THSD4: variants seen among roughly 807,000 people sequenced by gnomAD.
The protein encoded by THSD4 is thrombospondin type-1 domain-containing protein 4.
A neutral mutation model predicts 119.0 loss-of-function variants in THSD4; 69 were observed. The observed-to-expected ratio is 0.58, with a 90% CI of 0.48 to 0.71. THSD4 has a LOEUF of 0.71. Ranked by LOEUF, THSD4 falls within the 30% of genes least tolerant of loss-of-function variation. The pLI, the probability that THSD4 is intolerant of heterozygous loss-of-function variation, is 0.00. For missense variants in THSD4, 1,393 were observed against 1,391.1 expected (o/e 1.00, Z -0.02); for synonymous variants, 524 against 540.4 (o/e 0.97, Z 0.42).
chr15:71,595,817 T>C (rs557888499), intron 7 of THSD4, among the ~76,000 whole-genome samples: 1 of 152,358 alleles, frequency 6.6e-6, no homozygotes, highest in East Asian at 1.9e-4. Flanking sequence ...ATACCCATTC[T>C]ACAGATGAGG....
chr15:71,708,971 C>T (rs1301372364), intron 8 of THSD4, among the ~76,000 whole-genome samples: 1 of 152,212 alleles, frequency 6.6e-6, no homozygotes, highest in Non-Finnish European at 1.5e-5. Context: ...CCGAGGTTTC[C>T]CTGCTGTGAG....
chr15:71,272,036 G>A, intron 6 of THSD4, among the ~76,000 whole-genome samples: 1 of 152,164 alleles, frequency 6.6e-6, no homozygotes, highest in African/African-American at 2.4e-5. Flanking sequence ...CAAATCATAC[G>A]TCAGATCAGG....
At chr15:71,382,394 C>T (rs958709484) in intron 6 of THSD4, among the ~76,000 whole-genome samples, 4 of 152,168 alleles carry the variant, frequency 2.6e-5, no homozygotes, top group African/African-American at 7.2e-5. Flanking sequence ...GCTATTAGCA[C>T]TCAATTTTAG....
At chr15:71,466,377 G>A (rs1483501839) in intron 7 of THSD4, among the ~76,000 whole-genome samples, 2 of 151,214 alleles carry the variant, frequency 1.3e-5, no homozygotes, top group East Asian at 3.9e-4. Context: ...GAGGCCCCAG[G>A]AGAAGCTGTA....
At chr15:71,630,463 T>C (rs2050604578) in intron 7 of THSD4, among the ~76,000 whole-genome samples, 1 of 152,250 alleles carries the variant, frequency 6.6e-6, no homozygotes, top group Admixed American at 6.5e-5. Flanking sequence ...TGTCATGCTT[T>C]CCTCAAAAAC....
At chr15:71,553,277 C>A (rs2048960171) in intron 7 of THSD4, among the ~76,000 whole-genome samples, 1 of 151,542 alleles carries the variant, frequency 6.6e-6, no homozygotes, top group African/African-American at 2.4e-5. Context: ...TTCCAGAATA[C>A]AGTACTGAAT....
intron 7 of THSD4, among the ~76,000 whole-genome samples, chr15:71,501,344 T>C (rs1008394082): frequency 1.3e-5 from 2 of 152,232 alleles, no homozygotes; most frequent in South Asian, 4.1e-4. Flanking sequence ...AAGAAAGAAA[T>C]TGAGACTCAC....
chr15:71,530,688 T>G (rs1247495911), intron 7 of THSD4, among the ~76,000 whole-genome samples: 2 of 152,100 alleles, frequency 1.3e-5, no homozygotes, highest in East Asian at 3.9e-4. Flanking sequence ...TTTGCCTTGA[T>G]TAAGGAATCT....
Position 71,242,824 on chromosome 15 carries a change from C to G in THSD4, c.640C>G (p.Pro214Ala). Residue 214 changes from proline to alanine, a missense_variant, in exon 5 of 18, where the codon CCA becomes GCA. Transcript: ENST00000261862. ...TTCTGCTAGGCATGGCTACAGTTCA[C>G]CAGCCCACCAGGTCCCCCAACATGG... The part of the protein sequence containing the change: ...ASSARHGYSS[P>A]AHQVPQHGPL... The G allele has an allele frequency of 6.2e-7, 1 of 1,614,210 alleles. No homozygotes were observed.
intron 8 of THSD4, among the ~76,000 whole-genome samples, chr15:71,699,698 T>C (rs898911261): frequency 2.0e-5 from 3 of 152,194 alleles, no homozygotes; most frequent in Non-Finnish European, 4.4e-5. Context: ...CTGTTCTTGA[T>C]GGAATGGGTT....
intron 6 of THSD4, among the ~76,000 whole-genome samples, chr15:71,375,769 A>G (rs1413926794): frequency 3.9e-5 from 6 of 152,188 alleles, no homozygotes; most frequent in Non-Finnish European, 5.9e-5. Flanking sequence ...GGAACTTGTT[A>G]GGAATGCAAA....
intron 8 of THSD4, among the ~76,000 whole-genome samples, chr15:71,727,952 G>T (rs750444481): frequency 3.2e-4 from 48 of 152,204 alleles, no homozygotes; most frequent in Non-Finnish European, 5.7e-4. Flanking sequence ...AGCATATAGG[G>T]TCCATCTGAG....
intron 7 of THSD4, among the ~76,000 whole-genome samples, chr15:71,582,127 A>G (rs1000612046): frequency 3.3e-5 from 5 of 152,122 alleles, no homozygotes; most frequent in Non-Finnish European, 1.5e-5. Context: ...CTTCCAATCC[A>G]TGAATGTAGA....
intron 3 of THSD4, among the ~76,000 whole-genome samples, chr15:71,194,692 A>G (rs1033688616): frequency 7.2e-5 from 11 of 152,154 alleles, no homozygotes; most frequent in Admixed American, 3.9e-4. Context: ...CCCCTGGTTC[A>G]TGATATCCCT....
chr15:71,682,814 G>A (rs1282543866), intron 8 of THSD4, among the ~76,000 whole-genome samples: 1 of 147,966 alleles, frequency 6.8e-6, no homozygotes, highest in Non-Finnish European at 1.5e-5. Flanking sequence ...GCTTTAAAAT[G>A]TGATTTAGTA....
At chr15:71,540,078 T>C (rs1194787418) in intron 7 of THSD4, among the ~76,000 whole-genome samples, 1 of 152,062 alleles carries the variant, frequency 6.6e-6, no homozygotes, top group Non-Finnish European at 1.5e-5. Flanking sequence ...GGAGGACTTG[T>C]GCATGGCTTC....
At chr15:71,394,266 CTTTTTTTTT>C (rs58372446) in intron 6 of THSD4, among the ~76,000 whole-genome samples, 1 of 89,692 alleles carries the variant, frequency 1.1e-5, no homozygotes, top group African/African-American at 4.5e-5. Context: ...ACACATTTGT[CTTTTTTTTT>C]TTTTTTTTTT....
intron 8 of THSD4, among the ~76,000 whole-genome samples, chr15:71,705,029 A>G (rs1001595595): frequency 6.6e-6 from 1 of 151,990 alleles, no homozygotes; most frequent in Non-Finnish European, 1.5e-5. Flanking sequence ...TAGAGGAGGT[A>G]GAATGTGGGC....
chr15:71,217,526 G>T (rs2043943822), intron 4 of THSD4, among the ~76,000 whole-genome samples: 1 of 151,886 alleles, frequency 6.6e-6, no homozygotes, highest in Non-Finnish European at 1.5e-5. Context: ...GGGAGGCTGA[G>T]GCAGGAGAAT....
Sources: gnomAD v4.1 joint callset for allele counts (sites outside exome capture counted in the v4.1 genomes callset) on GRCh38, gnomAD v4.1.1 for gene constraint, MANE v1.5 for transcripts, NCBI Gene and HGNC (gene_info 2026-07-23, HGNC 2026-07-21) for gene names.